RIGI: variants seen among roughly 807,000 people sequenced by gnomAD.
The protein encoded by RIGI is antiviral innate immune response receptor RIG-I.
the RIGI span, among the ~76,000 whole-genome samples, chr9:32,519,363 A>C: frequency 6.6e-6 from 1 of 152,192 alleles, no homozygotes; most frequent in Non-Finnish European, 1.5e-5. Flanking sequence ...CTACTTATCC[A>C]AAGTTCCTAA....
At chr9:32,492,302 G>T in the RIGI span, 1 of 1,438,290 alleles carries the variant, frequency 7.0e-7, no homozygotes, top group Non-Finnish European at 9.5e-7. Context: ...CTGGCTATCT[G>T]AGGGGAAAAA....
chr9:32,478,163 C>A, the RIGI span, among the ~76,000 whole-genome samples: 1 of 151,922 alleles, frequency 6.6e-6, no homozygotes, highest in Non-Finnish European at 1.5e-5. Context: ...TCTGCCTCAG[C>A]CTCTCAAGTA....
chr9:32,520,399 T>C, the RIGI span, among the ~76,000 whole-genome samples: 1 of 152,178 alleles, frequency 6.6e-6, no homozygotes, highest in African/African-American at 2.4e-5. Context: ...TGCTATTAAA[T>C]AATTCTTAGG....
chr9:32,504,194 G>A, the RIGI span, among the ~76,000 whole-genome samples: 12 of 152,086 alleles, frequency 7.9e-5, no homozygotes, highest in African/African-American at 2.4e-4. Context: ...CGTTACTAGC[G>A]TCAATAATCA....
the RIGI span, among the ~76,000 whole-genome samples, chr9:32,459,114 C>T: frequency 7.9e-6 from 1 of 126,802 alleles, no homozygotes; most frequent in African/African-American, 2.5e-5. Flanking sequence ...GTCTCGAACT[C>T]CTGACCTCGT....
chr9:32,456,575 A>G, the RIGI span: 1 of 155,046 alleles, frequency 6.4e-6, no homozygotes, highest in Non-Finnish European at 1.4e-5. Context: ...GGACTCAATA[A>G]AAAAAGACTA....
the RIGI span, chr9:32,466,210 GA>G: frequency 6.9e-7 from 1 of 1,439,294 alleles, no homozygotes; most frequent in Admixed American, 2.0e-5. Flanking sequence ...TAAGCAATAT[GA>G]TAAAAGATAC....
the RIGI span, among the ~76,000 whole-genome samples, chr9:32,476,099 G>A: frequency 6.6e-6 from 1 of 152,028 alleles, no homozygotes; most frequent in South Asian, 2.1e-4. Flanking sequence ...TTAGTGAAAT[G>A]AAAATTAAAA....
chr9:32,498,712 G>A, the RIGI span, among the ~76,000 whole-genome samples: 1 of 152,206 alleles, frequency 6.6e-6, no homozygotes, highest in Non-Finnish European at 1.5e-5. Context: ...GCTGGGTGCA[G>A]TGGCTCATGC....
chr9:32,477,406 A>T, the RIGI span, among the ~76,000 whole-genome samples: 13 of 152,298 alleles, frequency 8.5e-5, no homozygotes, highest in African/African-American at 3.1e-4. Flanking sequence ...GTCTCCAAGG[A>T]TTTCACTGTA....
chr9:32,474,375 T>A, the RIGI span, among the ~76,000 whole-genome samples: 2 of 152,150 alleles, frequency 1.3e-5, no homozygotes, highest in African/African-American at 4.8e-5. Context: ...TAGCCCTCAA[T>A]GATCTCCACC....
the RIGI span, among the ~76,000 whole-genome samples, chr9:32,513,385 T>C: frequency 0.016 from 2,428 of 152,254 alleles, 84 homozygotes; most frequent in African/African-American, 0.056. Context: ...ATCAGATATA[T>C]AGACCAATGG....
the RIGI span, among the ~76,000 whole-genome samples, chr9:32,524,498 C>T: frequency 1.3e-5 from 2 of 151,502 alleles, no homozygotes; most frequent in East Asian, 1.9e-4. Flanking sequence ...CCGGTCTTAA[C>T]GCCATTTCCA....
chr9:32,524,945 C>T, the RIGI span, among the ~76,000 whole-genome samples: 1 of 121,868 alleles, frequency 8.2e-6, no homozygotes, highest in Non-Finnish European at 1.9e-5. Context: ...AAACAGCAAA[C>T]TGTTTATCAT....
chr9:32,462,813 G>A, the RIGI span, among the ~76,000 whole-genome samples: 1 of 152,130 alleles, frequency 6.6e-6, no homozygotes, highest in Admixed American at 6.6e-5. Context: ...TGGCGCAATA[G>A]GCGTGAGCCA....
chr9:32,457,026 C>A, the RIGI span: 5 of 915,754 alleles, frequency 5.5e-6, no homozygotes, highest in Non-Finnish European at 8.4e-6. Context: ...TATATTTTCA[C>A]AGGGGTACAA....
At chr9:32,487,523 T>C in the RIGI span, 24,713 of 1,614,132 alleles carry the variant, frequency 0.015, 1,250 homozygotes, top group East Asian at 0.15. Flanking sequence ...TGTGTTTGAC[T>C]GTTGCTATCA....
chr9:32,526,048 T>C, the RIGI span: 1 of 1,600,434 alleles, frequency 6.2e-7, no homozygotes, highest in Non-Finnish European at 8.6e-7. Context: ...AAGGCGCCGC[T>C]GGAGACACTC....
chr9:32,466,406 G>A, the RIGI span: 22 of 1,613,276 alleles, frequency 1.4e-5, no homozygotes, highest in Non-Finnish European at 1.8e-5. Context: ...TTACTAGTCA[G>A]AAGGAAGCAC....
Sources: gnomAD v4.1 joint callset for allele counts (sites outside exome capture counted in the v4.1 genomes callset) on GRCh38, gnomAD v4.1.1 for gene constraint, MANE v1.5 for transcripts, NCBI Gene and HGNC (gene_info 2026-07-23, HGNC 2026-07-21) for gene names.